The following PRKN variants were observed in gnomAD, a reference collection of about 807,000 sequenced individuals.
PRKN encodes the protein E3 ubiquitin-protein ligase parkin.
Under a neutral mutation model 59.5 loss-of-function variants are expected in PRKN, and 56 were observed. The observed-to-expected ratio is 0.94, with a 90% CI of 0.76 to 1.18. PRKN has a LOEUF of 1.18. Ranked by LOEUF, PRKN falls within the 50% of genes most tolerant of loss-of-function variation. The pLI is 0.00. For missense variants in PRKN, 657 were observed against 596.4 expected (o/e 1.10, Z -1.06); for synonymous variants, 250 against 222.1 (o/e 1.13, Z -1.12).
At chr6:161,828,507 T>C (rs1792339852) in intron 6 of PRKN, among the ~76,000 whole-genome samples, 1 of 152,276 alleles carries the variant, frequency 6.6e-6, no homozygotes, top group African/African-American at 2.4e-5. Context: ...CTCACGCCAC[T>C]GTGCTTCTGC....
rs896633629 is a variant in PRKN at position 162,341,073 on chromosome 6, G to GA, written c.172-78309dup. On this transcript the variant is annotated intron_variant, in intron 2 of 11. Coordinates refer to ENST00000366898, the MANE Select transcript of PRKN (RefSeq NM_004562.3). ...AGGGAACTTAAACAAATTTACAAGG[G>GA]AAAAAAAAACATCAAAAAGTGGGCA... Among the ~76,000 whole-genome samples the GA allele has an allele frequency of 2.1e-4, 31 of 148,904 alleles. 1 individual carries two copies. The highest frequency in any genetic ancestry group is 1.8e-3 in the East Asian group (9 of 5,060).
intron 1 of PRKN, chr6:162,568,446 G>C (rs1001753667): frequency 6.5e-5 from 40 of 615,150 alleles, no homozygotes; most frequent in Non-Finnish European, 1.1e-4. Flanking sequence ...AGCTTCCGGG[G>C]GTGGCCTGGG....
intron 9 of PRKN, among the ~76,000 whole-genome samples, chr6:161,424,830 CT>C (rs972119547): frequency 1.3e-5 from 2 of 152,088 alleles, no homozygotes; most frequent in Admixed American, 6.6e-5. Flanking sequence ...CCTGGAAGGG[CT>C]TTTGGTGTGT....
At chr6:162,266,638 A>G (rs1437415469) in intron 2 of PRKN, among the ~76,000 whole-genome samples, 1 of 152,212 alleles carries the variant, frequency 6.6e-6, no homozygotes, top group Non-Finnish European at 1.5e-5. Flanking sequence ...CAAGCTCTAC[A>G]TAATTTATTA....
chr6:161,422,453 C>T (rs1249589615), intron 9 of PRKN, among the ~76,000 whole-genome samples: 1 of 152,134 alleles, frequency 6.6e-6, no homozygotes. Context: ...CCTGCCTCGG[C>T]CTCCCAAAGT....
chr6:161,849,775 G>A lies in PRKN; in HGVS notation c.735-63867C>T, dbSNP rs192027459. On this transcript the variant is annotated intron_variant, in intron 6 of 11. Coordinates refer to ENST00000366898, the MANE Select transcript of PRKN (RefSeq NM_004562.3). The stretch of plus-strand genomic sequence containing the variant: ...AATTTAAGAAAGAATAGGAAAAAAC[G>A]GAGAGCAACTTGATTTGAAAAAGAC... Among the ~76,000 whole-genome samples the A allele has an allele frequency of 1.3e-4, 20 of 152,266 alleles. No individual in the cohort carries two copies. In the East Asian group the frequency reaches 2.7e-3, roughly 21 times the overall value.
At chr6:162,559,150 CA>C (rs67508754) in intron 1 of PRKN, among the ~76,000 whole-genome samples, 294 of 102,198 alleles carry the variant, frequency 2.9e-3, no homozygotes, top group Middle Eastern at 5.4e-3. Flanking sequence ...GATTCCGTCT[CA>C]AAAAAAAAAA....
chr6:162,541,843 G>C (rs1778936987), intron 1 of PRKN, among the ~76,000 whole-genome samples: 2 of 151,936 alleles, frequency 1.3e-5, no homozygotes, highest in Admixed American at 1.3e-4. Flanking sequence ...TAGCAAGAGA[G>C]TCTGGCCCCA....
intron 6 of PRKN, among the ~76,000 whole-genome samples, chr6:161,881,516 A>T (rs999419941): frequency 2.6e-5 from 4 of 152,180 alleles, no homozygotes; most frequent in Admixed American, 2.6e-4. Flanking sequence ...CCCACTGCAA[A>T]TATGCATTCC....
At chr6:162,186,048 T>A (rs376160487) in intron 4 of PRKN, among the ~76,000 whole-genome samples, 2 of 152,096 alleles carry the variant, frequency 1.3e-5, no homozygotes, top group Non-Finnish European at 2.9e-5. Context: ...TCTGTGAACC[T>A]TGTATAGTTT....
chr6:161,623,426 C>T (rs1384246106), intron 7 of PRKN, among the ~76,000 whole-genome samples: 2 of 152,186 alleles, frequency 1.3e-5, no homozygotes, highest in East Asian at 3.8e-4. Flanking sequence ...TGGGTATATA[C>T]ACTTCCAGTG....
At chr6:162,080,022 G>A (rs1037426815) in intron 4 of PRKN, among the ~76,000 whole-genome samples, 2 of 152,000 alleles carry the variant, frequency 1.3e-5, no homozygotes, top group African/African-American at 4.8e-5. Flanking sequence ...ACATTTTCTG[G>A]TGACTGCATT....
intron 6 of PRKN, among the ~76,000 whole-genome samples, chr6:161,844,837 C>T (rs140283546): frequency 6.6e-6 from 1 of 152,234 alleles, no homozygotes; most frequent in Non-Finnish European, 1.5e-5. Context: ...GTGTGCAATG[C>T]TGATGTCAGC....
chr6:161,377,924 T>G lies in PRKN; in HGVS notation c.1167+8870A>C, dbSNP rs895505075. On this transcript the variant is annotated intron_variant, in intron 10 of 11. Coordinates refer to ENST00000366898, the MANE Select transcript of PRKN (RefSeq NM_004562.3). This position sits in a 1 kb window ranked among gnomAD's most constrained non-coding sequence, Gnocchi z 4.2. ...CAGAACTGGAAGGAATAAATGTGTG[T>G]TGTTTATAAGCCAGCCAGTCTACGG... Among the ~76,000 whole-genome samples the G allele has an allele frequency of 6.6e-6, 1 of 152,154 alleles. No individual in the cohort carries two copies. The highest frequency in any genetic ancestry group is 1.5e-5 in the Non-Finnish European group (1 of 68,034).
intron 2 of PRKN, among the ~76,000 whole-genome samples, chr6:162,347,156 A>C (rs1410287729): frequency 6.7e-6 from 1 of 148,242 alleles, no homozygotes; most frequent in Non-Finnish European, 1.5e-5. Flanking sequence ...TTATTATTTT[A>C]TTTATCCATT....
chr6:161,616,375 C>T (rs1187102447), intron 7 of PRKN, among the ~76,000 whole-genome samples: 2 of 151,738 alleles, frequency 1.3e-5, no homozygotes, highest in East Asian at 3.9e-4. Flanking sequence ...ATAAAATGTC[C>T]CCAGTGATGT....
At position 162,588,709 on chromosome 6, in the gene PRKN, G is replaced by A. The variant is rs553750039; in HGVS notation, c.7+138953C>T. The stretch of plus-strand genomic sequence containing the variant: ...TGGGACTACAGGCGCCCGCCACCAC[G>A]CCCGGGTAATTTTTTGTATTTTTAG... On this transcript the variant is annotated intron_variant, in intron 1 of 11. Coordinates refer to ENST00000366898, the MANE Select transcript of PRKN (RefSeq NM_004562.3). 2.7e-4 allele frequency among the ~76,000 whole-genome samples: 41 copies of A among 152,026 alleles called. 1 individual carries two copies. In the South Asian group the frequency reaches 7.5e-3, roughly 28 times the overall value.
At chr6:162,364,034 C>T (rs1049734577) in intron 2 of PRKN, among the ~76,000 whole-genome samples, 1 of 152,222 alleles carries the variant, frequency 6.6e-6, no homozygotes, top group East Asian at 1.9e-4. Flanking sequence ...TGCTGCACTG[C>T]TGAGCACTGT....
intron 4 of PRKN, among the ~76,000 whole-genome samples, chr6:162,147,404 C>A (rs937903219): frequency 3.3e-4 from 49 of 149,962 alleles, no homozygotes; most frequent in African/African-American, 1.1e-3. Context: ...TTGGCTACTT[C>A]CAATCTCTTT....
Sources: gnomAD v4.1 joint callset for allele counts (sites outside exome capture counted in the v4.1 genomes callset) on GRCh38, gnomAD v4.1.1 for gene constraint, Gnocchi (gnomAD v3.1) non-coding constraint, MANE v1.5 for transcripts, NCBI Gene and HGNC (gene_info 2026-07-23, HGNC 2026-07-21) for gene names.